HERC1: variants seen among roughly 807,000 people sequenced by gnomAD.
HERC1 encodes the protein HECT and RLD domain containing E3 ubiquitin protein ligase family member 1.
A neutral mutation model predicts 554.3 loss-of-function variants in HERC1; 160 were observed. That is an observed-to-expected ratio of 0.29 (90% confidence interval 0.25 to 0.33). HERC1 has a LOEUF of 0.33. Ranked by LOEUF, HERC1 falls within the 10% of genes least tolerant of loss-of-function variation. The pLI is 1.00. For synonymous variants in HERC1, 2,175 were observed against 2,131.7 expected, an observed-to-expected ratio of 1.02 and a Z score of -0.56; for missense variants, 4,919 against 5,918.5, an observed-to-expected ratio of 0.83 and a Z score of 5.54.
In HERC1 at chr15:63,652,551, T is replaced by C. The variant is rs1427932384; in HGVS notation, c.10291-10A>G. The C allele has an allele frequency of 6.4e-7, 1 of 1,566,782 alleles. No individual in the cohort carries two copies. Among genetic ancestry groups the C allele is most frequent in the Non-Finnish European group, 8.7e-7 (1 of 1,152,022 alleles). On this transcript the variant is annotated splice_polypyrimidine_tract_variant and intron_variant, in intron 51 of 77. Transcript: ENST00000443617. ...AAACACATGTCATTACCTAGAAAAG[T>C]TGAAACAGGTAGTCTAATAATTTTC...
At chr15:63,833,745 GCGCGCGCGCA>G (rs2078243795) in intron 1 of HERC1, 72 bp downstream of exon 1, 2 of 66,540 alleles carry the variant, frequency 3.0e-5, no homozygotes, top group Non-Finnish European at 7.1e-5. Context: ...AAGCACACAC[GCGCGCGCGCA>G]CACACACACA....
At chr15:63,806,009 C>G (rs1418997685) in intron 1 of HERC1, among the ~76,000 whole-genome samples, 1 of 151,916 alleles carries the variant, frequency 6.6e-6, no homozygotes, top group Admixed American at 6.6e-5. Context: ...CCACCCAATG[C>G]TGGTATTCCC....
chr15:63,747,504 A>T (rs1016840524), intron 11 of HERC1, among the ~76,000 whole-genome samples: 3 of 152,218 alleles, frequency 2.0e-5, no homozygotes, highest in Non-Finnish European at 4.4e-5. Context: ...AGTAATTTTT[A>T]AAACATGATT....
chr15:63,822,024 T>C (rs2077717729), intron 1 of HERC1, among the ~76,000 whole-genome samples: 1 of 152,164 alleles, frequency 6.6e-6, no homozygotes, highest in Admixed American at 6.5e-5. Context: ...CTGTATTCAG[T>C]GAAGATCTCT....
intron 55 of HERC1, among the ~76,000 whole-genome samples, chr15:63,646,608 T>C (rs753827265): frequency 5.3e-5 from 8 of 150,350 alleles, no homozygotes; most frequent in Non-Finnish European, 4.4e-5. Flanking sequence ...GAGACCAGCC[T>C]GGCCAGCATG....
At position 63,649,878 on chromosome 15, in the gene HERC1, C is replaced by A; in HGVS notation, c.10594G>T (p.Ala3532Ser). The part of the protein sequence containing the change: ...DIQPHWVSAL[A>S]WPEEGPATAW... ...GTAGCCGGACCCTCTTCTGGCCAAG[C>A]CAGGGCAGATACCCAATGAGGCTGA... The change falls in exon 54 of 78, where the codon GCT (alanine) becomes TCT (serine). Residue 3532 changes from alanine (A) to serine (S), a missense_variant. Physicochemically the swap from Ala to Ser is moderately conservative, Grantham distance 99. Coordinates refer to ENST00000443617, the MANE Select transcript of HERC1 (RefSeq NM_003922.4). 6.2e-7 allele frequency: 1 copy of A among 1,612,258 alleles called. No homozygotes were observed. The highest frequency in any genetic ancestry group is 8.5e-7 in the Non-Finnish European group (1 of 1,179,182).
In HERC1 at chr15:63,716,288, A is replaced by C; in HGVS notation, c.4150+14T>G. On this transcript the variant is annotated intron_variant, in intron 22 of 77. Coordinates refer to ENST00000443617, the MANE Select transcript of HERC1 (RefSeq NM_003922.4). ...CCACAGTTTGTATCTAGAAAGTAAG[A>C]AGGGTATACTCACTGCCAGCTGTCA... is the stretch of plus-strand genomic sequence containing the variant. 1.3e-6 allele frequency: 2 copies of C among 1,588,866 alleles called. No individual in the cohort carries two copies. The highest frequency in any genetic ancestry group is 1.7e-6 in the Non-Finnish European group (2 of 1,169,270).
At position 63,820,612 on chromosome 15, in the gene HERC1, C is replaced by A. The variant is rs554287804; in HGVS notation, c.-27+13215G>T. 6.6e-5 allele frequency among the ~76,000 whole-genome samples: 10 copies of A among 152,262 alleles called. No individual in the cohort carries two copies. In the South Asian group the frequency reaches 2.1e-3, roughly 32 times the overall value. On this transcript the variant is annotated intron_variant, in intron 1 of 77. Transcript: ENST00000443617. ...ATACGGCAAAACTTTAAAAAGCCTT[C>A]CATAAATACTACTGTATTTGTTTAA...
At chr15:63,720,207 G>A (rs972947331) in intron 19 of HERC1, among the ~76,000 whole-genome samples, 3 of 146,790 alleles carry the variant, frequency 2.0e-5, no homozygotes, top group Non-Finnish European at 3.0e-5. Flanking sequence ...GGGCTCAAGC[G>A]ATCCTCCTGC....
At chr15:63,827,605 C>T (rs944077304) in intron 1 of HERC1, among the ~76,000 whole-genome samples, 5 of 151,964 alleles carry the variant, frequency 3.3e-5, no homozygotes, top group Non-Finnish European at 5.9e-5. Context: ...GTTAAACATA[C>T]AGTAATCATA....
intron 1 of HERC1, among the ~76,000 whole-genome samples, chr15:63,796,588 C>G (rs775068140): frequency 6.6e-6 from 1 of 152,156 alleles, no homozygotes; most frequent in African/African-American, 2.4e-5. Flanking sequence ...GATACAGACT[C>G]AGGAGGTCCT....
chr15:63,634,062 A>T (rs1220098005), intron 66 of HERC1, 92 bp from the exon 67 acceptor site: 1 of 1,457,796 alleles, frequency 6.9e-7, no homozygotes, highest in Non-Finnish European at 9.4e-7. Context: ...TTCAGTGAAA[A>T]ACTTGGCTAT....
chr15:63,618,972 C>T (rs146159842), intron 74 of HERC1, among the ~76,000 whole-genome samples: 68,842 of 151,734 alleles, frequency 0.45, 16,643 homozygotes, highest in Non-Finnish European at 0.54. Context: ...CTTTTCCTAA[C>T]TGAATGCCCT....
At position 63,658,382 on chromosome 15, in the gene HERC1, G is replaced by A. The variant is rs556952083; in HGVS notation, c.9599+162C>T. On this transcript the variant is annotated intron_variant, in intron 48 of 77. Coordinates refer to ENST00000443617, the MANE Select transcript of HERC1 (RefSeq NM_003922.4). The stretch of plus-strand genomic sequence containing the variant: ...AAAAAGAGCCAAGTATTAACTGAAT[G>A]ACCGATTGAGTGAATAACAATGACT... 2.6e-5 allele frequency among the ~76,000 whole-genome samples: 4 copies of A among 152,336 alleles called. No homozygotes were observed. The South Asian group carries it at 8.3e-4, about 32-fold the overall frequency.
intron 66 of HERC1, 98 bp from the exon 67 acceptor site, chr15:63,634,068 G>C: frequency 7.2e-7 from 1 of 1,385,512 alleles, no homozygotes; most frequent in South Asian, 1.3e-5. Flanking sequence ...GAAAAACTTG[G>C]CTATGTTTCC....
At chr15:63,656,004 G>A (rs1371328823) in intron 49 of HERC1, 49 bp from the exon 50 acceptor site, 3 of 1,590,020 alleles carry the variant, frequency 1.9e-6, no homozygotes, top group Non-Finnish European at 2.6e-6. Flanking sequence ...TGTAATTTTG[G>A]AACAAAAATA....
intron 1 of HERC1, among the ~76,000 whole-genome samples, chr15:63,800,868 G>T (rs955439262): frequency 1.4e-5 from 2 of 146,234 alleles, no homozygotes; most frequent in African/African-American, 4.8e-5. Flanking sequence ...CAGGATGAAG[G>T]CTGGTTGCCA....
Position 63,811,027 on chromosome 15 carries a change from GA to G in HERC1, c.-27+22799del, listed in dbSNP as rs200134702. 1.1e-4 allele frequency among the ~76,000 whole-genome samples: 16 copies of G among 148,896 alleles called. 1 individual carries two copies. Among genetic ancestry groups the G allele is most frequent in the Middle Eastern group, 3.4e-3 (1 of 290 alleles). On this transcript the variant is annotated intron_variant, in intron 1 of 77. Coordinates refer to ENST00000443617, the MANE Select transcript of HERC1 (RefSeq NM_003922.4). ...ATTCAATAAAGTTAATGTCATTTGG[GA>G]AAAAAAAAGGCTGGGGTTTACTCTA...
intron 76 of HERC1, among the ~76,000 whole-genome samples, chr15:63,613,044 C>A (rs920040522): frequency 6.6e-6 from 1 of 151,832 alleles, no homozygotes; most frequent in Non-Finnish European, 1.5e-5. Context: ...TTGTGCTCAT[C>A]GTAAAAAAAA....
Sources: gnomAD v4.1 joint callset for allele counts (sites outside exome capture counted in the v4.1 genomes callset) on GRCh38, gnomAD v4.1.1 for gene constraint, MANE v1.5 for transcripts, NCBI Gene and HGNC (gene_info 2026-07-23, HGNC 2026-07-21) for gene names.